Variants in CD226 observed in about 807,000 individuals in gnomAD.
The protein encoded by CD226 is CD226 antigen.
Under a neutral mutation model 34.9 loss-of-function variants are expected in CD226, and 24 were observed. That is an observed-to-expected ratio of 0.69 (90% CI 0.50 to 0.97). The LOEUF (loss-of-function observed/expected upper bound fraction) is 0.97, where lower values mean the gene tolerates loss of function less well. Ranked by LOEUF, CD226 falls within the 50% of genes least tolerant of loss-of-function variation. CD226 has a pLI of 0.00. For synonymous variants in CD226, 148 were observed against 147.4 expected (o/e 1.00, Z -0.03); for missense variants, 397 against 412.7 (o/e 0.96, Z 0.33).
chr18:69,950,185 TAC>T (rs1431883728), upstream of CD226, among the ~76,000 whole-genome samples: 2 of 151,304 alleles, frequency 1.3e-5, no homozygotes, highest in African/African-American at 4.9e-5. Flanking sequence ...CGTACATGCA[TAC>T]ACTCACATGC....
chr18:69,868,822 C>CACACACACAG (rs1983317988), intron 4 of CD226, among the ~76,000 whole-genome samples: 1 of 151,690 alleles, frequency 6.6e-6, no homozygotes, highest in Non-Finnish European at 1.5e-5. Flanking sequence ...CACACACACA[C>CACACACACAG]ACAGACACAC....
chr18:69,937,604 T>G (rs1462413133), intron 2 of CD226, among the ~76,000 whole-genome samples: 2 of 152,318 alleles, frequency 1.3e-5, no homozygotes, highest in Non-Finnish European at 2.9e-5. Flanking sequence ...TCCAAACCAC[T>G]GAACATTACA....
At chr18:69,866,014 T>G (rs1983118295) in intron 5 of CD226, among the ~76,000 whole-genome samples, 1 of 75,072 alleles carries the variant, frequency 1.3e-5, no homozygotes, top group Non-Finnish European at 3.7e-5. Flanking sequence ...TTTTCCTAAC[T>G]TGAGAAAAAA....
chr18:69,864,346 T>A lies in CD226; in HGVS notation c.979A>T (p.Thr327Ser). The change falls in exon 6 of 6, where the codon ACC (threonine) becomes TCC (serine). Residue 327 changes from threonine to serine, a missense_variant. Physicochemically the swap from Thr to Ser is moderately conservative, Grantham distance 58 (BLOSUM62 1). Transcript: ENST00000582621. ...CTAGTCTTTGGTCTGCGAGAGAAGG[T>A]TGGATAGTTGACATAAATATCCTCT... Reference protein sequence around the residue: ...TREDIYVNYPTFSRRPKTRV With the variant: ...TREDIYVNYPSFSRRPKTRV 1 of 1,613,856 alleles carries A rather than the reference T, an allele frequency of 6.2e-7. No individual in the cohort carries two copies. Among genetic ancestry groups the A allele is most frequent in the South Asian group, 1.1e-5 (1 of 91,084 alleles).
chr18:69,933,281 A>C (rs960557540), intron 2 of CD226, among the ~76,000 whole-genome samples: 5 of 152,152 alleles, frequency 3.3e-5, no homozygotes, highest in African/African-American at 1.2e-4. Flanking sequence ...GAAGTCCAAA[A>C]TCTGGACCTT....
In CD226 at chr18:69,907,155, C is replaced by T. The variant is rs189555168; in HGVS notation, c.383-11110G>A. 1.5e-3 allele frequency among the ~76,000 whole-genome samples: 227 copies of T among 152,268 alleles called. 2 individuals carry two copies. In the East Asian group the frequency reaches 0.025, roughly 17 times the overall value. On this transcript the variant is annotated intron_variant, in intron 2 of 5. Coordinates refer to ENST00000582621, the MANE Select transcript of CD226 (RefSeq NM_001303618.2). ...CCAGATCCCCTGATGGGTTTCCCTG[C>T]GAACACTTCCTAATGGGTCCTTTTC...
At chr18:69,912,516 G>C (rs942532405) in intron 2 of CD226, among the ~76,000 whole-genome samples, 5 of 152,172 alleles carry the variant, frequency 3.3e-5, no homozygotes, top group Non-Finnish European at 7.3e-5. Context: ...TTTTGAGATT[G>C]AGATGTCTAG....
intron 2 of CD226, among the ~76,000 whole-genome samples, chr18:69,921,510 T>C (rs76422462): frequency 0.032 from 4,882 of 152,258 alleles, 259 homozygotes; most frequent in African/African-American, 0.11. Context: ...CTTAGTCATA[T>C]AAGAGGGCAC....
chr18:69,892,461 C>T (rs766383749), intron 3 of CD226, among the ~76,000 whole-genome samples: 9 of 152,162 alleles, frequency 5.9e-5, no homozygotes, highest in Non-Finnish European at 1.2e-4. Flanking sequence ...CTTTCCTTGC[C>T]CTTCGGTCCA....
intron 2 of CD226, among the ~76,000 whole-genome samples, chr18:69,937,582 GTCTT>G (rs1362265605): frequency 1.3e-5 from 2 of 152,134 alleles, no homozygotes; most frequent in Admixed American, 1.3e-4. Context: ...TAAGATCTAT[GTCTT>G]TCTATCTTCC....
intron 2 of CD226, among the ~76,000 whole-genome samples, chr18:69,940,721 T>C (rs2055713658): frequency 6.6e-6 from 1 of 152,126 alleles, no homozygotes. Flanking sequence ...CATAAAAAAT[T>C]TGGAAAATTT....
At chr18:69,891,285 G>A (rs183624074) in intron 3 of CD226, among the ~76,000 whole-genome samples, 57 of 141,932 alleles carry the variant, frequency 4.0e-4, no homozygotes, top group African/African-American at 1.4e-3. Context: ...ATCCTTGTGT[G>A]ATTAAAAAAA....
At chr18:69,873,720 A>C (rs755323517) in intron 3 of CD226, among the ~76,000 whole-genome samples, 5 of 152,132 alleles carry the variant, frequency 3.3e-5, no homozygotes, top group Non-Finnish European at 7.4e-5. Flanking sequence ...AAACACAAAA[A>C]GTGATCCCAG....
chr18:69,911,160 T>C (rs2055319539), intron 2 of CD226, among the ~76,000 whole-genome samples: 1 of 152,220 alleles, frequency 6.6e-6, no homozygotes, highest in African/African-American at 2.4e-5. Flanking sequence ...TTGAGATAGG[T>C]CCATGTTGGC....
At position 69,856,633 on chromosome 18, in the gene CD226, A is replaced by G. The variant is rs1228072322; in HGVS notation, c.*7681T>C. On this transcript the variant is annotated 3_prime_UTR_variant, in exon 6 of 6. Coordinates refer to ENST00000582621, the MANE Select transcript of CD226 (RefSeq NM_001303618.2). ...TTTTAAAACATGATGAAATTAAGTT[A>G]GAAATCTGTAAGAGATATAAAGTAG... The G allele has an allele frequency of 1.3e-5, 2 of 152,240 alleles. No homozygotes were observed. Among genetic ancestry groups the G allele is most frequent in the Non-Finnish European group, 2.9e-5 (2 of 68,038 alleles). 9.4% of individuals were successfully genotyped at this position (152,240 alleles called of 1,614,324 possible).
intron 2 of CD226, among the ~76,000 whole-genome samples, chr18:69,931,359 G>A (rs1217672868): frequency 1.3e-5 from 2 of 151,418 alleles, no homozygotes; most frequent in African/African-American, 4.9e-5. Flanking sequence ...TTGTGCACAT[G>A]TACCCTAAAA....
chr18:69,874,464 T>A (rs534143067), intron 3 of CD226, among the ~76,000 whole-genome samples: 1 of 152,306 alleles, frequency 6.6e-6, no homozygotes, highest in African/African-American at 2.4e-5. Flanking sequence ...CTGTCTCTCT[T>A]CGGGAAAGCG....
At chr18:69,873,740 G>A (rs557045611) in intron 3 of CD226, among the ~76,000 whole-genome samples, 2 of 152,180 alleles carry the variant, frequency 1.3e-5, no homozygotes, top group East Asian at 3.9e-4. Context: ...GTGTGGTGGT[G>A]CATGCCTATA....
intron 3 of CD226, among the ~76,000 whole-genome samples, chr18:69,875,336 C>T (rs968917358): frequency 2.6e-5 from 4 of 152,146 alleles, no homozygotes; most frequent in African/African-American, 9.7e-5. Flanking sequence ...TGGGGTTTCA[C>T]CCTGTTGGCC....
Sources: allele counts gnomAD v4.1 joint callset (sites outside exome capture counted in the v4.1 genomes callset), GRCh38; gene constraint gnomAD v4.1.1; transcripts MANE v1.5; gene names NCBI Gene and HGNC (gene_info 2026-07-23, HGNC 2026-07-21).